CNGB3: variants seen among roughly 807,000 people sequenced by gnomAD.
The protein encoded by CNGB3 is cyclic nucleotide gated channel subunit beta 3, also known as cyclic nucleotide-gated channel beta-3.
In CNGB3, 86 loss-of-function variants were observed where a neutral mutation model predicts 92.8. The observed-to-expected ratio is 0.93, with a 90% CI of 0.78 to 1.11. The LOEUF (loss-of-function observed/expected upper bound fraction) is 1.11, where lower values mean the gene tolerates loss of function less well. Ranked by LOEUF, CNGB3 falls within the 50% of genes least tolerant of loss-of-function variation. CNGB3 has a pLI of 0.00. For synonymous variants in CNGB3, 333 were observed against 332.7 expected (o/e 1.00, Z -0.01); for missense variants, 1,026 against 956.8 (o/e 1.07, Z -0.95).
chr8:86,614,711 C>A (rs1822583827), intron 13 of CNGB3, among the ~76,000 whole-genome samples: 1 of 152,102 alleles, frequency 6.6e-6, no homozygotes, highest in Admixed American at 6.6e-5. Flanking sequence ...ACGGCATCGG[C>A]CAATATAAAC....
Position 86,629,987 on chromosome 8 carries a change from T to G in CNGB3, c.1321-909A>C, listed in dbSNP as rs113881570. 7.4e-4 allele frequency among the ~76,000 whole-genome samples: 113 copies of G among 152,334 alleles called. 1 individual carries two copies. The South Asian group carries it at 0.011, about 15-fold the overall frequency. On this transcript the variant is annotated intron_variant, in intron 11 of 17. Transcript: ENST00000320005. The stretch of plus-strand genomic sequence containing the variant: ...ACTTTGCTCATTCATTTTAGTAGCT[T>G]TTGAGCCTTTTCTGCTTATGGAAAA...
intron 3 of CNGB3, among the ~76,000 whole-genome samples, chr8:86,686,239 T>A (rs1356509060): frequency 6.6e-6 from 1 of 152,092 alleles, no homozygotes; most frequent in Non-Finnish European, 1.5e-5. Flanking sequence ...TCAATTCAAA[T>A]AGCCTAGTTT....
intron 12 of CNGB3, among the ~76,000 whole-genome samples, chr8:86,628,037 T>C (rs1822883134): frequency 6.6e-6 from 1 of 152,198 alleles, no homozygotes; most frequent in African/African-American, 2.4e-5. Flanking sequence ...ACATTTTCTT[T>C]TCTCTAGTTT....
At chr8:86,730,191 A>G (rs1451140615) in intron 2 of CNGB3, among the ~76,000 whole-genome samples, 4 of 152,206 alleles carry the variant, frequency 2.6e-5, no homozygotes, top group Admixed American at 6.5e-5. Context: ...ACATGGAGAC[A>G]CGAGCAGGTG....
chr8:86,700,359 A>C (rs944467381), intron 3 of CNGB3, among the ~76,000 whole-genome samples: 2 of 152,184 alleles, frequency 1.3e-5, no homozygotes, highest in African/African-American at 4.8e-5. Flanking sequence ...AACGTATGGA[A>C]ATTTACCACT....
At chr8:86,695,175 A>T (rs889661371) in intron 3 of CNGB3, among the ~76,000 whole-genome samples, 3 of 152,046 alleles carry the variant, frequency 2.0e-5, no homozygotes, top group Non-Finnish European at 4.4e-5. Flanking sequence ...TGGCGCCTGC[A>T]ATCGCAGGCA....
At chr8:86,600,030 A>G (rs6471425) in intron 15 of CNGB3, among the ~76,000 whole-genome samples, 138,228 of 152,244 alleles carry the variant, frequency 0.91, 63,022 homozygotes, top group African/African-American at 0.97. Context: ...TGGACACCCA[A>G]CTTTAAAATT....
At chr8:86,609,069 C>T (rs1822469730) in intron 14 of CNGB3, among the ~76,000 whole-genome samples, 1 of 152,152 alleles carries the variant, frequency 6.6e-6, no homozygotes, top group Admixed American at 6.5e-5. Flanking sequence ...CTTTTCCTGC[C>T]TTATTTGTCT....
intron 3 of CNGB3, among the ~76,000 whole-genome samples, chr8:86,683,988 C>G (rs1440709620): frequency 1.3e-5 from 2 of 152,120 alleles, no homozygotes; most frequent in African/African-American, 4.8e-5. Flanking sequence ...TCAGATTGCA[C>G]TTGATCAAAA....
chr8:86,583,781 A>G (rs921928317), intron 15 of CNGB3, among the ~76,000 whole-genome samples: 2 of 152,046 alleles, frequency 1.3e-5, no homozygotes, highest in African/African-American at 2.4e-5. Context: ...TTAGCTGGGC[A>G]TCGTGGCACA....
chr8:86,693,696 C>G (rs4636225), intron 3 of CNGB3, among the ~76,000 whole-genome samples: 74,110 of 150,706 alleles, frequency 0.49, 18,488 homozygotes, highest in South Asian at 0.7. Flanking sequence ...GCACATCTTG[C>G]GCCGCCCTTA....
chr8:86,641,751 C>T (rs1232372083), intron 10 of CNGB3, among the ~76,000 whole-genome samples: 1 of 151,636 alleles, frequency 6.6e-6, no homozygotes, highest in African/African-American at 2.4e-5. Flanking sequence ...GTGTTTTAGC[C>T]TTTGGAGATA....
chr8:86,639,537 A>C (rs1338302611), intron 10 of CNGB3, among the ~76,000 whole-genome samples: 1 of 152,078 alleles, frequency 6.6e-6, no homozygotes, highest in Non-Finnish European at 1.5e-5. Flanking sequence ...AATTCTAACT[A>C]GGTCAAAATT....
intron 12 of CNGB3, among the ~76,000 whole-genome samples, chr8:86,626,879 G>T (rs1006156807): frequency 5.9e-5 from 9 of 151,612 alleles, no homozygotes; most frequent in South Asian, 2.1e-4. Context: ...TAAGTTCTGG[G>T]GTACATGTGC....
intron 15 of CNGB3, among the ~76,000 whole-genome samples, chr8:86,580,195 G>A (rs540063512): frequency 6.7e-6 from 1 of 150,274 alleles, no homozygotes; most frequent in Admixed American, 6.6e-5. Context: ...TAGCACGGGG[G>A]GGGTGGCGGG....
chr8:86,663,744 G>T (rs1026686667), intron 6 of CNGB3, among the ~76,000 whole-genome samples: 1 of 152,152 alleles, frequency 6.6e-6, no homozygotes, highest in African/African-American at 2.4e-5. Context: ...AAGTTTCAAA[G>T]GCTGCAGCTA....
intron 3 of CNGB3, among the ~76,000 whole-genome samples, chr8:86,709,996 A>G (rs1440018769): frequency 6.6e-6 from 1 of 152,206 alleles, no homozygotes; most frequent in Non-Finnish European, 1.5e-5. Context: ...AACAGTTGAG[A>G]TAAAATGGTC....
chr8:86,715,726 C>A (rs1586033134), intron 3 of CNGB3, among the ~76,000 whole-genome samples: 1 of 148,926 alleles, frequency 6.7e-6, no homozygotes. Flanking sequence ...AAGGTGAAAT[C>A]CAACTTAAAG....
intron 3 of CNGB3, among the ~76,000 whole-genome samples, chr8:86,687,276 C>T (rs1824207232): frequency 6.6e-6 from 1 of 151,826 alleles, no homozygotes; most frequent in South Asian, 2.1e-4. Flanking sequence ...TTCACAGTAG[C>T]CAAAAGGTGG....
Sources: gnomAD v4.1 joint callset for allele counts (sites outside exome capture counted in the v4.1 genomes callset) on GRCh38, gnomAD v4.1.1 for gene constraint, MANE v1.5 for transcripts, NCBI Gene and HGNC (gene_info 2026-07-23, HGNC 2026-07-21) for gene names.